Variants in MRPL48 observed in about 807,000 individuals in gnomAD.
MRPL48 encodes the protein mitochondrial ribosomal protein L48, also known as large ribosomal subunit protein mL48.
Under a neutral mutation model 32.9 loss-of-function variants are expected in MRPL48, and 16 were observed. The ratio of observed to expected loss-of-function variants is 0.49; its 90% CI spans 0.33 to 0.74. The LOEUF is 0.74. MRPL48 is among the 30% of genes least tolerant of loss of function. The probability of loss-of-function intolerance (pLI) is 0.02; values close to 1 mark genes in which losing one functional copy is unlikely to be tolerated. For missense variants in MRPL48, 206 were observed against 245.3 expected (o/e 0.84, Z 1.07); for synonymous variants, 94 against 89.2 (o/e 1.05, Z -0.31).
intron 3 of MRPL48, chr11:73,822,993 C>T (rs1160197528): frequency 3.1e-5 from 14 of 453,310 alleles, no homozygotes; most frequent in Non-Finnish European, 8.8e-6. Flanking sequence ...TGATCTGTCA[C>T]TGTCTCCCAT....
rs985396747 is a variant in MRPL48 at position 73,825,615 on chromosome 11, C to T, written c.113-93C>T. 99 of 1,126,274 alleles carry T rather than the reference C, an allele frequency of 8.8e-5. No homozygotes were observed. The East Asian group carries it at 2.5e-3, about 28-fold the overall frequency. The allele number at this position is 1,126,274 out of a possible 1,614,324, so 69.8% of individuals were successfully genotyped here. ...TGAGCTATGAGATGGCATTACATCC[C>T]AGCTTGGGTGACAGAGCAAGACCCT... On this transcript the variant is annotated intron_variant, in intron 3 of 7. Coordinates refer to ENST00000310614, the MANE Select transcript of MRPL48 (RefSeq NM_016055.6).
intron 3 of MRPL48, among the ~76,000 whole-genome samples, chr11:73,811,172 C>T (rs1483562862): frequency 6.6e-6 from 1 of 152,032 alleles, no homozygotes; most frequent in African/African-American, 2.4e-5. Flanking sequence ...AACCATGTTA[C>T]AGTTTCAACT....
chr11:73,815,414 C>CA (rs199893647), intron 3 of MRPL48, among the ~76,000 whole-genome samples: 12,850 of 144,914 alleles, frequency 0.089, 715 homozygotes, highest in African/African-American at 0.17. Flanking sequence ...AACTCCATCT[C>CA]AAAAAAAAAA....
intron 4 of MRPL48, among the ~76,000 whole-genome samples, chr11:73,840,689 G>A (rs554977260): frequency 1.3e-5 from 2 of 152,032 alleles, no homozygotes; most frequent in Admixed American, 1.3e-4. Flanking sequence ...TAGTAGAGGC[G>A]CGGTTTCACC....
intron 7 of MRPL48, 138 bp downstream of exon 7, chr11:73,863,399 A>AT: frequency 1.3e-6 from 1 of 746,706 alleles, no homozygotes; most frequent in African/African-American, 1.8e-5. Flanking sequence ...GAAAAGTTGT[A>AT]CACTCTGATG....
chr11:73,859,883 A>G (rs1948553193), intron 5 of MRPL48, 24 bp from the exon 6 acceptor site: 1 of 1,603,586 alleles, frequency 6.2e-7, no homozygotes, highest in South Asian at 1.1e-5. Context: ...AACACTCACT[A>G]TAGCTGACTC....
chr11:73,863,910 G>A (rs1466389359), intron 7 of MRPL48, among the ~76,000 whole-genome samples: 1 of 152,032 alleles, frequency 6.6e-6, no homozygotes, highest in Non-Finnish European at 1.5e-5. Context: ...TACAGATCTG[G>A]GGACAGAGAC....
chr11:73,843,982 G>A (rs1368251708), intron 4 of MRPL48, among the ~76,000 whole-genome samples: 5 of 152,028 alleles, frequency 3.3e-5, no homozygotes, highest in Non-Finnish European at 7.4e-5. Context: ...GGGAGGCTGC[G>A]GCAGGAGAAT....
chr11:73,847,152 A>AT (rs1052745245), intron 5 of MRPL48, among the ~76,000 whole-genome samples: 7 of 151,866 alleles, frequency 4.6e-5, no homozygotes, highest in Non-Finnish European at 4.4e-5. Context: ...TGGCTGCACC[A>AT]TTTTTTATTC....
rs549837452 is a variant in MRPL48 at position 73,849,627 on chromosome 11, A to T, written c.371+4651A>T. Among the ~76,000 whole-genome samples, 3 of 152,336 alleles carry T rather than the reference A, an allele frequency of 2.0e-5. No individual in the cohort carries two copies. The South Asian group carries it at 6.2e-4, about 32-fold the overall frequency. Reference sequence around the variant, plus strand: ...TGCTGAGTAGCGTTTCATTGAAAGGATGTACCACAGTTTATTCCTTTTCTG... The same window carrying T: ...TGCTGAGTAGCGTTTCATTGAAAGGTTGTACCACAGTTTATTCCTTTTCTG... On this transcript the variant is annotated intron_variant, in intron 5 of 7. Transcript: ENST00000310614.
At chr11:73,800,276 C>T (rs559733514) in intron 1 of MRPL48, among the ~76,000 whole-genome samples, 5 of 152,016 alleles carry the variant, frequency 3.3e-5, no homozygotes, top group East Asian at 3.9e-4. Context: ...AAATAGTATG[C>T]GTAAAGTGCC....
intron 6 of MRPL48, among the ~76,000 whole-genome samples, chr11:73,862,945 A>G (rs771867424): frequency 4.6e-5 from 7 of 152,172 alleles, no homozygotes; most frequent in Non-Finnish European, 1.0e-4. Context: ...CAGTAATGAC[A>G]TCTAATGCCC....
At chr11:73,857,660 T>C (rs1469818476) in intron 5 of MRPL48, among the ~76,000 whole-genome samples, 1 of 147,110 alleles carries the variant, frequency 6.8e-6, no homozygotes, top group Non-Finnish European at 1.5e-5. Context: ...AGTGGCATGA[T>C]CTCGGCTCAC....
At chr11:73,856,252 G>A (rs1271114502) in intron 5 of MRPL48, among the ~76,000 whole-genome samples, 4 of 149,736 alleles carry the variant, frequency 2.7e-5, no homozygotes. Flanking sequence ...TCAGACTGTG[G>A]TATTGTTAGG....
At chr11:73,848,779 A>G (rs1948339885) in intron 5 of MRPL48, among the ~76,000 whole-genome samples, 1 of 152,040 alleles carries the variant, frequency 6.6e-6, no homozygotes. Flanking sequence ...TTCCTTAAAT[A>G]ACATTAAATC....
At chr11:73,855,378 C>A (rs1948467425) in intron 5 of MRPL48, among the ~76,000 whole-genome samples, 1 of 151,966 alleles carries the variant, frequency 6.6e-6, no homozygotes, top group African/African-American at 2.4e-5. Flanking sequence ...TCCCTCCCCA[C>A]CTCCCTCTAC....
At chr11:73,836,616 A>G (rs1053275357) in intron 4 of MRPL48, among the ~76,000 whole-genome samples, 3 of 152,212 alleles carry the variant, frequency 2.0e-5, no homozygotes, top group African/African-American at 7.2e-5. Flanking sequence ...TTAGAGTATC[A>G]TATGGTTATT....
chr11:73,814,956 T>C (rs1947637026), intron 3 of MRPL48, among the ~76,000 whole-genome samples: 1 of 149,958 alleles, frequency 6.7e-6, no homozygotes, highest in Non-Finnish European at 1.5e-5. Flanking sequence ...GTCTTGCCAC[T>C]GCACGTCAGC....
intron 3 of MRPL48, among the ~76,000 whole-genome samples, chr11:73,813,069 T>G (rs1590950239): frequency 1.3e-5 from 2 of 151,710 alleles, no homozygotes; most frequent in African/African-American, 4.8e-5. Context: ...TAATATTTTT[T>G]TTGTTAGTGA....
Sources: gnomAD v4.1 joint callset for allele counts (sites outside exome capture counted in the v4.1 genomes callset) on GRCh38, gnomAD v4.1.1 for gene constraint, MANE v1.5 for transcripts, NCBI Gene and HGNC (gene_info 2026-07-23, HGNC 2026-07-21) for gene names.